The following SRGAP3 variants were observed in gnomAD, a reference collection of about 807,000 sequenced individuals.
SRGAP3 encodes the protein SLIT-ROBO Rho GTPase-activating protein 3.
In SRGAP3, 39 loss-of-function variants were observed where a neutral mutation model predicts 121.1. The observed-to-expected ratio is 0.32, with a 90% confidence interval of 0.25 to 0.42. The LOEUF (loss-of-function observed/expected upper bound fraction) is 0.42, where lower values mean the gene tolerates loss of function less well. Among genes scored for constraint, SRGAP3 ranks in the 10% least tolerant of loss-of-function variants. The probability of loss-of-function intolerance (pLI) is 1.00; values close to 1 mark genes in which losing one functional copy is unlikely to be tolerated. For missense variants in SRGAP3, 1,213 were observed against 1,470.6 expected, an observed-to-expected ratio of 0.82 and a Z score of 2.86; for synonymous variants, 601 against 570.0, an observed-to-expected ratio of 1.05 and a Z score of -0.77.
chr3:9,256,985 T>C, intron 3 of SRGAP3: 1 of 397,124 alleles, frequency 2.5e-6, no homozygotes, highest in Non-Finnish European at 4.4e-6. Context: ...TTGGGCAAGT[T>C]GTTAGCTGGC....
At chr3:9,222,264 A>T (rs2010951) in intron 1 of SRGAP3, among the ~76,000 whole-genome samples, 49,764 of 152,166 alleles carry the variant, frequency 0.33, 8,619 homozygotes, top group East Asian at 0.7. Flanking sequence ...GAAGTACCAG[A>T]AATGACTGGC....
intron 1 of SRGAP3, among the ~76,000 whole-genome samples, chr3:9,231,246 G>T (rs1416192965): frequency 6.6e-6 from 1 of 152,120 alleles, no homozygotes; most frequent in East Asian, 1.9e-4. Context: ...TGGTGATCTG[G>T]GGGGGCATTC....
intron 15 of SRGAP3, chr3:9,014,787 C>T (rs969062051): frequency 9.8e-5 from 15 of 152,328 alleles, no homozygotes; most frequent in African/African-American, 2.2e-4. Context: ...CTGCAAATAT[C>T]TCTCAGAGTA....
intron 3 of SRGAP3, among the ~76,000 whole-genome samples, chr3:9,307,126 T>C (rs571273312): frequency 6.6e-6 from 1 of 152,216 alleles, no homozygotes; most frequent in South Asian, 2.1e-4. Context: ...GCACGTGCCA[T>C]CACGCCTGGC....
chr3:9,246,893 T>C (rs1953846267), intron 1 of SRGAP3, among the ~76,000 whole-genome samples: 3 of 152,160 alleles, frequency 2.0e-5, no homozygotes, highest in South Asian at 4.1e-4. Flanking sequence ...GCCTGGTAAT[T>C]GGTGTATTTC....
At chr3:9,159,354 A>G (rs921154675) in intron 1 of SRGAP3, among the ~76,000 whole-genome samples, 8 of 150,084 alleles carry the variant, frequency 5.3e-5, no homozygotes, top group Non-Finnish European at 1.0e-4. Flanking sequence ...CAAATCACTT[A>G]CCTCCCCCGG....
intron 3 of SRGAP3, among the ~76,000 whole-genome samples, chr3:9,257,698 C>CTTTT (rs386395913): frequency 0.25 from 18,029 of 72,954 alleles, 5,661 homozygotes; most frequent in Non-Finnish European, 0.33. Context: ...AAAATAGCTC[C>CTTTT]TTTTTTTTTT....
intron 1 of SRGAP3, among the ~76,000 whole-genome samples, chr3:9,359,692 A>G (rs2030695565): frequency 6.6e-6 from 1 of 152,210 alleles, no homozygotes; most frequent in Admixed American, 6.5e-5. Context: ...AGGGCAAGAG[A>G]AGGTCAGAGA....
intron 1 of SRGAP3, among the ~76,000 whole-genome samples, chr3:9,225,318 G>A (rs1331786548): frequency 6.6e-6 from 1 of 152,206 alleles, no homozygotes; most frequent in South Asian, 2.1e-4. Flanking sequence ...AGGATGGTCA[G>A]CAGCTTCCAG....
At chr3:9,096,935 T>G (rs1167269719) in intron 3 of SRGAP3, among the ~76,000 whole-genome samples, 2 of 71,282 alleles carry the variant, frequency 2.8e-5, no homozygotes, top group African/African-American at 1.0e-4. Flanking sequence ...TTACATTATT[T>G]TGTATATATA....
At chr3:9,000,028 ACTC>A (rs1360018720) in intron 18 of SRGAP3, among the ~76,000 whole-genome samples, 8 of 152,026 alleles carry the variant, frequency 5.3e-5, no homozygotes, top group Non-Finnish European at 1.2e-4. Context: ...CCCTCCCTCT[ACTC>A]CTGCTCCAAG....
chr3:9,319,827 G>A (rs1254795489), intron 3 of SRGAP3, among the ~76,000 whole-genome samples: 2 of 151,902 alleles, frequency 1.3e-5, no homozygotes, highest in Non-Finnish European at 2.9e-5. Flanking sequence ...GTCTGCGGTT[G>A]AGCAGGAACA....
chr3:9,100,929 C>T (rs773488920), intron 3 of SRGAP3, among the ~76,000 whole-genome samples: 16 of 152,174 alleles, frequency 1.1e-4, no homozygotes, highest in Non-Finnish European at 1.8e-4. Flanking sequence ...TCCAGGAGGA[C>T]GATGGAAGGA....
chr3:9,277,928 G>T (rs1360161658), intron 3 of SRGAP3, among the ~76,000 whole-genome samples: 1 of 152,156 alleles, frequency 6.6e-6, no homozygotes, highest in East Asian at 1.9e-4. Context: ...TCATGAATGG[G>T]ATTAGTGCCT....
At chr3:9,214,168 G>A (rs1235840798) in intron 1 of SRGAP3, among the ~76,000 whole-genome samples, 1 of 151,328 alleles carries the variant, frequency 6.6e-6, no homozygotes, top group East Asian at 1.9e-4. Flanking sequence ...AAGAATATAA[G>A]CTCATTTCCC....
At chr3:9,046,955 C>T (rs1452064743) in intron 10 of SRGAP3, among the ~76,000 whole-genome samples, 3 of 151,872 alleles carry the variant, frequency 2.0e-5, no homozygotes, top group South Asian at 2.1e-4. Context: ...CTCAGCCTCC[C>T]GAGTAGCTGG....
rs915042730 is a variant in SRGAP3 at position 9,014,099 on chromosome 3, G to A, written c.1814-257C>T. The A allele has an allele frequency of 9.4e-6, 5 of 531,022 alleles. No individual in the cohort carries two copies. The African/African-American group carries it at 9.5e-5, about 10-fold the overall frequency. The allele number at this position is 531,022 out of a possible 1,614,324, so 32.9% of individuals were successfully genotyped here. A position where few individuals can be genotyped will look rare whatever the true frequency, so the allele number is the denominator to read the frequency against. On this transcript the variant is annotated intron_variant, in intron 15 of 21. Coordinates refer to ENST00000383836, the MANE Select transcript of SRGAP3 (RefSeq NM_014850.4). ...CGGACTTGGTTGTGAGAAACCCACA[G>A]GGAGATGCCCTCTTGGACCTGGGTA...
At chr3:9,265,914 C>T (rs1023623978) in intron 3 of SRGAP3, among the ~76,000 whole-genome samples, 3 of 152,192 alleles carry the variant, frequency 2.0e-5, no homozygotes, top group South Asian at 4.1e-4. Flanking sequence ...GATAAAGACA[C>T]ATGCACACGT....
intron 1 of SRGAP3, among the ~76,000 whole-genome samples, chr3:9,196,325 T>C (rs1044662340): frequency 6.6e-6 from 1 of 152,206 alleles, no homozygotes; most frequent in Non-Finnish European, 1.5e-5. Flanking sequence ...TGTGTGGCTC[T>C]CTGGCAAGGG....
Sources: allele counts gnomAD v4.1 joint callset (sites outside exome capture counted in the v4.1 genomes callset), GRCh38; gene constraint gnomAD v4.1.1; transcripts MANE v1.5; gene names NCBI Gene and HGNC (gene_info 2026-07-23, HGNC 2026-07-21).